DGKB: variants seen among roughly 807,000 people sequenced by gnomAD.
The protein encoded by DGKB is 90 kDa diacylglycerol kinase.
In DGKB, 67 loss-of-function variants were observed where a neutral mutation model predicts 114.3. The observed-to-expected ratio is 0.59, with a 90% CI of 0.48 to 0.72. The LOEUF (loss-of-function observed/expected upper bound fraction) is 0.72, where lower values mean the gene tolerates loss of function less well. Ranked by LOEUF, DGKB falls within the 30% of genes least tolerant of loss-of-function variation. The pLI, the probability that DGKB is intolerant of heterozygous loss-of-function variation, is 0.00. For missense variants in DGKB, 907 were observed against 975.2 expected (o/e 0.93, Z 0.93); for synonymous variants, 398 against 323.1 (o/e 1.23, Z -2.49).
chr7:14,434,686 T>C (rs183808), intron 21 of DGKB, among the ~76,000 whole-genome samples: 130,066 of 152,084 alleles, frequency 0.86, 56,138 homozygotes, highest in Non-Finnish European at 0.91. Context: ...TTGTTTTAAG[T>C]TACTAAATTT....
At chr7:14,460,938 T>G (rs1030197161) in intron 21 of DGKB, among the ~76,000 whole-genome samples, 1 of 149,968 alleles carries the variant, frequency 6.7e-6, no homozygotes, top group African/African-American at 2.5e-5. Context: ...AACTCATGAT[T>G]AAGAAACTCA....
intron 23 of DGKB, among the ~76,000 whole-genome samples, chr7:14,197,531 G>A (rs934523849): frequency 1.3e-5 from 2 of 151,982 alleles, no homozygotes; most frequent in African/African-American, 2.4e-5. Flanking sequence ...CATGCTGTAC[G>A]GAAAACCTCT....
At chr7:14,965,264 A>C (rs1279649322) in intron 1 of DGKB, among the ~76,000 whole-genome samples, 1 of 152,154 alleles carries the variant, frequency 6.6e-6, no homozygotes, top group Admixed American at 6.6e-5. Flanking sequence ...GGTTGTGTAC[A>C]CTGTACTTTG....
intron 23 of DGKB, among the ~76,000 whole-genome samples, chr7:14,331,950 T>A (rs1434794490): frequency 6.6e-6 from 1 of 152,110 alleles, no homozygotes; most frequent in Non-Finnish European, 1.5e-5. Context: ...TAGGGTGAGA[T>A]GAGGATATGT....
At chr7:14,942,945 A>G (rs1406103116) in intron 1 of DGKB, among the ~76,000 whole-genome samples, 4 of 151,294 alleles carry the variant, frequency 2.6e-5, no homozygotes, top group African/African-American at 9.7e-5. Flanking sequence ...TCATTTGCTC[A>G]TTGTCTGTTT....
At chr7:14,570,062 T>C (rs1798144802) in intron 20 of DGKB, among the ~76,000 whole-genome samples, 1 of 151,192 alleles carries the variant, frequency 6.6e-6, no homozygotes. Flanking sequence ...AGTCATAATA[T>C]ATTTTCAATT....
chr7:14,311,869 G>A (rs1441478898), intron 23 of DGKB, among the ~76,000 whole-genome samples: 1 of 152,128 alleles, frequency 6.6e-6, no homozygotes, highest in Non-Finnish European at 1.5e-5. Context: ...AAGAAGGCGG[G>A]GGAGGTGGTC....
At chr7:14,915,698 C>G (rs1784208660) in intron 1 of DGKB, among the ~76,000 whole-genome samples, 1 of 152,034 alleles carries the variant, frequency 6.6e-6, no homozygotes, top group Admixed American at 6.6e-5. Context: ...ACCCACCAAC[C>G]TAGGATTCTA....
At chr7:14,894,460 T>C (rs1157587429) in intron 1 of DGKB, among the ~76,000 whole-genome samples, 1 of 151,432 alleles carries the variant, frequency 6.6e-6, no homozygotes, top group Non-Finnish European at 1.5e-5. Flanking sequence ...AAAAATTTTT[T>C]ATCAATATGG....
chr7:14,724,805 C>A (rs979791747), intron 5 of DGKB, among the ~76,000 whole-genome samples: 2 of 152,154 alleles, frequency 1.3e-5, no homozygotes, highest in African/African-American at 4.8e-5. Context: ...GACAAATCAT[C>A]TCATTCCAAA....
rs558117312 is a variant in DGKB at position 14,793,995 on chromosome 7, T to G, written c.71-36264A>C. 4.6e-5 allele frequency among the ~76,000 whole-genome samples: 7 copies of G among 152,284 alleles called. No individual in the cohort carries two copies. In the East Asian group the frequency reaches 1.2e-3, roughly 25 times the overall value. ...CATCTTATTTTCTCCAGCCCTCAGA[T>G]AGGAATTCACCAACTACTCCACTAG... On this transcript the variant is annotated intron_variant, in intron 2 of 25. Coordinates refer to ENST00000402815, the MANE Select transcript of DGKB (RefSeq NM_001350709.2).
At chr7:14,864,745 T>C (rs1020239322) in intron 1 of DGKB, among the ~76,000 whole-genome samples, 6 of 150,998 alleles carry the variant, frequency 4.0e-5, no homozygotes, top group African/African-American at 1.2e-4. Context: ...TTACAAGCCA[T>C]GTAATAGGAC....
intron 23 of DGKB, among the ~76,000 whole-genome samples, chr7:14,321,693 C>A (rs192476458): frequency 6.6e-6 from 1 of 151,308 alleles, no homozygotes; most frequent in Admixed American, 6.6e-5. Flanking sequence ...TATTTAAAGT[C>A]CAACAGTCTA....
At chr7:14,171,285 T>C (rs1205807310) in intron 25 of DGKB, among the ~76,000 whole-genome samples, 1 of 152,228 alleles carries the variant, frequency 6.6e-6, no homozygotes, top group Non-Finnish European at 1.5e-5. Flanking sequence ...CTACCTGTGA[T>C]CATTTCACTA....
chr7:14,624,971 C>T (rs1375868642), intron 14 of DGKB, among the ~76,000 whole-genome samples: 2 of 151,702 alleles, frequency 1.3e-5, no homozygotes, highest in Admixed American at 6.6e-5. Context: ...GAACTCCATC[C>T]TGAGAGACAG....
chr7:14,581,056 T>C, intron 18 of DGKB, 105 bp from the exon 19 acceptor site: 1 of 610,772 alleles, frequency 1.6e-6, no homozygotes, highest in Non-Finnish European at 2.7e-6. Flanking sequence ...TTCCAATAGG[T>C]ACTCATAAAC....
intron 2 of DGKB, among the ~76,000 whole-genome samples, chr7:14,812,015 G>C (rs1843509168): frequency 6.6e-6 from 1 of 151,958 alleles, no homozygotes. Flanking sequence ...ACGACTCTAG[G>C]TATCTCGTGT....
chr7:14,910,112 CT>C (rs1783906040), intron 1 of DGKB, among the ~76,000 whole-genome samples: 1 of 151,626 alleles, frequency 6.6e-6, no homozygotes, highest in Non-Finnish European at 1.5e-5. Context: ...GGACTAGTGA[CT>C]AATGTAGTCC....
chr7:14,216,030 A>G (rs1270733625), intron 23 of DGKB, among the ~76,000 whole-genome samples: 1 of 152,180 alleles, frequency 6.6e-6, no homozygotes, highest in South Asian at 2.1e-4. Flanking sequence ...AACTTTAAAG[A>G]GTTGAAAACA....
Sources: allele counts gnomAD v4.1 joint callset (sites outside exome capture counted in the v4.1 genomes callset), GRCh38; gene constraint gnomAD v4.1.1; transcripts MANE v1.5; gene names NCBI Gene and HGNC (gene_info 2026-07-23, HGNC 2026-07-21).